LUZP2: variants seen among roughly 807,000 people sequenced by gnomAD.
LUZP2 encodes leucine zipper protein 2.
A neutral mutation model predicts 51.6 loss-of-function variants in LUZP2; 52 were observed. That is an observed-to-expected ratio of 1.01 (90% confidence interval 0.81 to 1.27). The LOEUF (loss-of-function observed/expected upper bound fraction) is 1.27. LUZP2 is among the 50% of genes most tolerant of loss of function. The pLI is 0.00. For missense variants in LUZP2, 436 were observed against 395.4 expected, an observed-to-expected ratio of 1.10 and a Z score of -0.87; for synonymous variants, 154 against 137.3, an observed-to-expected ratio of 1.12 and a Z score of -0.85.
Position 24,894,531 on chromosome 11 carries a change from G to C in LUZP2, c.397-11460G>C, listed in dbSNP as rs113515760. 1.1e-4 allele frequency among the ~76,000 whole-genome samples: 16 copies of C among 151,652 alleles called. 1 individual carries two copies. The highest frequency in any genetic ancestry group is 3.9e-4 in the African/African-American group (16 of 41,390). ...GGTACTTGTACAGATGTGTTGTATG[G>C]GTATATTGTGTGATGCTGAAGGTGA... On this transcript the variant is annotated intron_variant, in intron 5 of 11. Coordinates refer to ENST00000336930, the MANE Select transcript of LUZP2 (RefSeq NM_001009909.4).
At position 24,497,284 on chromosome 11, in the gene LUZP2, C is replaced by T; in HGVS notation, c.41C>T (p.Pro14Leu). 6.4e-7 allele frequency: 1 copy of T among 1,567,058 alleles called. No individual in the cohort carries two copies. The highest frequency in any genetic ancestry group is 8.7e-7 in the Non-Finnish European group (1 of 1,155,222). Reference sequence around the variant, plus strand: ...GCGCACTACCTGCTGCCTCTCCTGCCTGCGCTGGTCCTCAGCACCAGGTGA... The same window carrying T: ...GCGCACTACCTGCTGCCTCTCCTGCTTGCGCTGGTCCTCAGCACCAGGTGA... ...SPAHYLLPLLPALVLSTRQDY... is the reference protein window; with the variant it reads ...SPAHYLLPLLLALVLSTRQDY... The change falls in exon 1 of 12, where the codon CCT (proline) becomes CTT (leucine). Residue 14 changes from proline (P) to leucine (L), a missense_variant. Pro to Leu is a moderately conservative substitution (Grantham distance 98, BLOSUM62 -3). Coordinates refer to ENST00000336930, the MANE Select transcript of LUZP2 (RefSeq NM_001009909.4).
At chr11:25,064,666 G>A (rs1191774586) in intron 10 of LUZP2, among the ~76,000 whole-genome samples, 1 of 151,876 alleles carries the variant, frequency 6.6e-6, no homozygotes, top group South Asian at 2.1e-4. Flanking sequence ...TAAGATTGTG[G>A]CTGTTTTGGC....
At chr11:24,528,685 A>G (rs966756766) in intron 1 of LUZP2, among the ~76,000 whole-genome samples, 1 of 151,184 alleles carries the variant, frequency 6.6e-6, no homozygotes, top group African/African-American at 2.4e-5. Context: ...TGGAGTGGCC[A>G]TAACAAAGCA....
chr11:24,666,020 G>A lies in LUZP2; in HGVS notation c.63-63149G>A, dbSNP rs1380534790. 4.6e-5 allele frequency among the ~76,000 whole-genome samples: 7 copies of A among 152,000 alleles called. No individual in the cohort carries two copies. The South Asian group carries it at 1.5e-3, about 32-fold the overall frequency. On this transcript the variant is annotated intron_variant, in intron 1 of 11. Transcript: ENST00000336930. ...CTCTGAGTGTAATTTTACTGATGCA[G>A]GTAGTCTGATCATTTATCAAACATT...
chr11:24,794,464 A>G (rs1007910355), intron 5 of LUZP2, among the ~76,000 whole-genome samples: 2 of 152,166 alleles, frequency 1.3e-5, no homozygotes, highest in African/African-American at 4.8e-5. Flanking sequence ...CATTCCTTGA[A>G]GGCGAATCAA....
chr11:24,693,262 G>A (rs78771319), intron 1 of LUZP2, among the ~76,000 whole-genome samples: 3 of 151,350 alleles, frequency 2.0e-5, no homozygotes, highest in Non-Finnish European at 4.4e-5. Flanking sequence ...GTGATTTATT[G>A]TATGACTATG....
intron 1 of LUZP2, among the ~76,000 whole-genome samples, chr11:24,661,940 C>A (rs1024804650): frequency 4.6e-5 from 7 of 151,912 alleles, no homozygotes; most frequent in Non-Finnish European, 1.0e-4. Context: ...TCAGAGAAAA[C>A]CTTAATTTAT....
At chr11:24,528,485 G>A (rs1850889820) in intron 1 of LUZP2, among the ~76,000 whole-genome samples, 1 of 151,206 alleles carries the variant, frequency 6.6e-6, no homozygotes, top group South Asian at 2.1e-4. Flanking sequence ...TTCTCACCAG[G>A]AGAAGCATCT....
intron 5 of LUZP2, among the ~76,000 whole-genome samples, chr11:24,882,089 T>C (rs1358571631): frequency 6.6e-6 from 1 of 151,982 alleles, no homozygotes; most frequent in Non-Finnish European, 1.5e-5. Flanking sequence ...TTAAAGGCAG[T>C]TTTATTATAA....
At chr11:24,895,596 A>C (rs1257781524) in intron 5 of LUZP2, among the ~76,000 whole-genome samples, 1 of 152,186 alleles carries the variant, frequency 6.6e-6, no homozygotes, top group East Asian at 1.9e-4. Flanking sequence ...TCCCATTTAT[A>C]AGTGAGAATA....
chr11:24,864,579 A>C (rs923064195), intron 5 of LUZP2, among the ~76,000 whole-genome samples: 6 of 152,144 alleles, frequency 3.9e-5, no homozygotes, highest in Admixed American at 6.6e-5. Context: ...ATTCTCAGAC[A>C]GGCTGTGTCC....
At chr11:24,999,821 A>T (rs1010902230) in intron 9 of LUZP2, among the ~76,000 whole-genome samples, 2 of 152,204 alleles carry the variant, frequency 1.3e-5, no homozygotes, top group African/African-American at 4.8e-5. Context: ...GACTTCAAGA[A>T]TGAAGCTGCA....
intron 10 of LUZP2, among the ~76,000 whole-genome samples, chr11:25,075,566 G>T (rs1443064122): frequency 1.8e-4 from 28 of 152,118 alleles, no homozygotes; most frequent in Admixed American, 1.8e-3. Context: ...GGGGAGGCAG[G>T]CATGATTACA....
chr11:24,706,855 T>C (rs1041410179), intron 1 of LUZP2, among the ~76,000 whole-genome samples: 1 of 152,106 alleles, frequency 6.6e-6, no homozygotes, highest in Non-Finnish European at 1.5e-5. Flanking sequence ...TCCACCATAA[T>C]AACTCCTTCA....
intron 7 of LUZP2, among the ~76,000 whole-genome samples, chr11:24,966,973 C>T (rs1855603434): frequency 6.7e-6 from 1 of 150,060 alleles, no homozygotes; most frequent in Non-Finnish European, 1.5e-5. Context: ...ATTTTTAATG[C>T]ATTGAATTAC....
At chr11:24,902,044 T>C (rs1163511455) in intron 5 of LUZP2, among the ~76,000 whole-genome samples, 1 of 152,212 alleles carries the variant, frequency 6.6e-6, no homozygotes, top group African/African-American at 2.4e-5. Flanking sequence ...TGTCAAATTC[T>C]AGTAATGAGA....
chr11:24,817,766 A>G (rs1850228266), intron 5 of LUZP2, among the ~76,000 whole-genome samples: 1 of 152,006 alleles, frequency 6.6e-6, no homozygotes, highest in Admixed American at 6.6e-5. Flanking sequence ...TGCACAGTGA[A>G]ATGCAGTAAA....
chr11:24,738,004 A>T (rs1859005187), intron 3 of LUZP2, among the ~76,000 whole-genome samples: 1 of 151,638 alleles, frequency 6.6e-6, no homozygotes, highest in Non-Finnish European at 1.5e-5. Flanking sequence ...AGGTTATTTA[A>T]AAAAAAATCA....
intron 1 of LUZP2, among the ~76,000 whole-genome samples, chr11:24,637,769 T>G (rs73434913): frequency 0.019 from 2,905 of 151,928 alleles, 163 homozygotes; most frequent in African/African-American, 0.068. Flanking sequence ...GCACCCTGTT[T>G]CCTGAAGATG....
Sources: gnomAD v4.1 joint callset for allele counts (sites outside exome capture counted in the v4.1 genomes callset) on GRCh38, gnomAD v4.1.1 for gene constraint, MANE v1.5 for transcripts, NCBI Gene and HGNC (gene_info 2026-07-23, HGNC 2026-07-21) for gene names.